CASK: variants seen among roughly 807,000 people sequenced by gnomAD.
CASK encodes the protein calcium/calmodulin dependent serine protein kinase, also known as peripheral plasma membrane protein CASK.
In CASK, 4 loss-of-function variants were observed where a neutral mutation model predicts 82.9. The observed-to-expected ratio is 0.05, with a 90% CI of 0.02 to 0.11. The LOEUF (loss-of-function observed/expected upper bound fraction) is 0.11, where lower values mean the gene tolerates loss of function less well. CASK is among the 10% of genes least tolerant of loss of function. CASK has a pLI of 1.00. For synonymous variants in CASK, 259 were observed against 253.5 expected (o/e 1.02, Z -0.20); for missense variants, 358 against 720.9 (o/e 0.50, Z 5.76).
intron 5 of CASK, among the ~76,000 whole-genome samples, chrX:41,683,668 G>C (rs755258412): frequency 1.8e-5 from 2 of 111,392 alleles, no homozygotes; most frequent in South Asian, 3.8e-4. Context: ...GAGTAGTTAA[G>C]TTTTGGGGGA....
At chrX:41,876,028 T>C (rs1188011801) in intron 1 of CASK, among the ~76,000 whole-genome samples, 1 of 111,411 alleles carries the variant, frequency 9.0e-6, no homozygotes, top group Non-Finnish European at 1.9e-5. Context: ...AGGTAAAAAG[T>C]CCTATACTTA....
At chrX:41,754,306 C>A (rs760705811) in intron 3 of CASK, among the ~76,000 whole-genome samples, 1 of 110,383 alleles carries the variant, frequency 9.1e-6, no homozygotes, top group East Asian at 2.8e-4. Flanking sequence ...GAGGCTGAGA[C>A]GGCCAAATTG....
At chrX:41,799,640 T>C (rs2069948228) in intron 2 of CASK, among the ~76,000 whole-genome samples, 3 of 108,335 alleles carry the variant, frequency 2.8e-5, no homozygotes, top group South Asian at 4.1e-4. Flanking sequence ...GAGAGACATA[T>C]ATTTAGCTGG....
At chrX:41,840,169 G>C (rs2071005682) in intron 2 of CASK, among the ~76,000 whole-genome samples, 1 of 111,812 alleles carries the variant, frequency 8.9e-6, no homozygotes, top group African/African-American at 3.2e-5. Flanking sequence ...AGATCAAGTT[G>C]GTAAGAACTG....
At chrX:41,759,620 GC>G (rs1247758275) in intron 3 of CASK, among the ~76,000 whole-genome samples, 1 of 111,283 alleles carries the variant, frequency 9.0e-6, no homozygotes, top group Non-Finnish European at 1.9e-5. Flanking sequence ...AATGAGAAAT[GC>G]CCCCCCTACA....
chrX:41,615,202 G>A (rs2066172807), intron 11 of CASK, among the ~76,000 whole-genome samples: 1 of 111,637 alleles, frequency 9.0e-6, no homozygotes, highest in Admixed American at 9.5e-5. Context: ...GAGATAAATG[G>A]CAGAAATCAG....
At chrX:41,634,785 TAA>T (rs1211935096) in intron 9 of CASK, among the ~76,000 whole-genome samples, 1 of 112,693 alleles carries the variant, frequency 8.9e-6, no homozygotes, top group Non-Finnish European at 1.9e-5. Flanking sequence ...CTTTGAATAA[TAA>T]AAGAGTTTTT....
chrX:41,559,991 T>C (rs2065206133), intron 17 of CASK, 144 bp from the exon 18 acceptor site: 1 of 513,617 alleles, frequency 1.9e-6, no homozygotes, highest in Non-Finnish European at 3.4e-6. Flanking sequence ...AATGTAGTCA[T>C]GAAGCAGGGA....
intron 8 of CASK, among the ~76,000 whole-genome samples, chrX:41,643,656 G>C (rs1251507686): frequency 8.9e-6 from 1 of 111,950 alleles, no homozygotes; most frequent in African/African-American, 3.2e-5. Context: ...TTGCTTATCA[G>C]CTTAAGGAGA....
intron 11 of CASK, among the ~76,000 whole-genome samples, chrX:41,612,897 C>G (rs1467742397): frequency 1.0e-5 from 1 of 95,663 alleles, no homozygotes; most frequent in Admixed American, 1.1e-4. Flanking sequence ...GTCAGCCCCC[C>G]GCCCGGCCAG....
chrX:41,561,778 T>C (rs1311388242), intron 16 of CASK, 134 bp from the exon 17 acceptor site: 1 of 516,709 alleles, frequency 1.9e-6, no homozygotes, highest in African/African-American at 2.4e-5. Context: ...GGTACAAGTT[T>C]GGTTGCAGCA....
At chrX:41,675,035 A>C (rs1002395267) in intron 5 of CASK, among the ~76,000 whole-genome samples, 1 of 112,332 alleles carries the variant, frequency 8.9e-6, no homozygotes, top group Non-Finnish European at 1.9e-5. Flanking sequence ...ATACCAAGCA[A>C]TTCATTTTTC....
chrX:41,727,464 T>G, intron 5 of CASK: 1 of 1,208,337 alleles, frequency 8.3e-7, no homozygotes, highest in Non-Finnish European at 1.1e-6. Flanking sequence ...TGAAAAAATT[T>G]CGCCAGCCCA....
chrX:41,845,653 TG>T (rs1400856988), intron 2 of CASK, among the ~76,000 whole-genome samples: 1 of 111,736 alleles, frequency 8.9e-6, no homozygotes, highest in Non-Finnish European at 1.9e-5. Context: ...CCATCTCACC[TG>T]TTTTTCATCC....
chrX:41,792,722 C>A (rs2069757360), intron 2 of CASK, among the ~76,000 whole-genome samples: 1 of 111,530 alleles, frequency 9.0e-6, no homozygotes, highest in South Asian at 3.7e-4. Context: ...CATATTTTAT[C>A]CAATTCAATG....
intron 6 of CASK, among the ~76,000 whole-genome samples, chrX:41,671,100 T>A (rs1440229074): frequency 8.9e-6 from 1 of 112,032 alleles, no homozygotes; most frequent in African/African-American, 3.2e-5. Context: ...AATCTACACA[T>A]TTTAGATTTG....
At chrX:41,590,069 G>A (rs1357572826) in intron 12 of CASK, 1 of 139,043 alleles carries the variant, frequency 7.2e-6, no homozygotes, top group Non-Finnish European at 1.4e-5. Context: ...TTCTAGGAAG[G>A]AATGTTCTCA....
intron 3 of CASK, among the ~76,000 whole-genome samples, chrX:41,757,891 G>A (rs926370148): frequency 1.8e-5 from 2 of 112,097 alleles, no homozygotes; most frequent in Non-Finnish European, 3.8e-5. Flanking sequence ...TTTGTCTTCA[G>A]CATACTATCC....
At chrX:41,529,382 AGCAGCAGCAGCG>A (rs2064764350) in intron 25 of CASK, 4 of 179,166 alleles carry the variant, frequency 2.2e-5, no homozygotes, top group East Asian at 2.2e-4. Flanking sequence ...TGGGTGGAGC[AGCAGCAGCAGCG>A]GCAGCAGCAG....
Sources: allele counts gnomAD v4.1 joint callset (sites outside exome capture counted in the v4.1 genomes callset), GRCh38; gene constraint gnomAD v4.1.1; transcripts MANE v1.5; gene names NCBI Gene and HGNC (gene_info 2026-07-23, HGNC 2026-07-21).